PTPRK: variants seen among roughly 807,000 people sequenced by gnomAD.
The protein encoded by PTPRK is protein tyrosine phosphatase receptor type K, also known as receptor-type tyrosine-protein phosphatase kappa.
In PTPRK, 75 loss-of-function variants were observed where a neutral mutation model predicts 178.0. The ratio of observed to expected loss-of-function variants is 0.42; its 90% CI spans 0.35 to 0.51. The LOEUF (loss-of-function observed/expected upper bound fraction) is 0.51, where lower values mean the gene tolerates loss of function less well. PTPRK is among the 20% of genes least tolerant of loss of function. PTPRK has a pLI of 0.02. For missense variants in PTPRK, 1,441 were observed against 1,797.8 expected (o/e 0.80, Z 3.59); for synonymous variants, 637 against 620.6 (o/e 1.03, Z -0.39).
intron 7 of PTPRK, among the ~76,000 whole-genome samples, chr6:128,167,071 C>A (rs1184897483): frequency 1.3e-5 from 2 of 151,632 alleles, no homozygotes; most frequent in Non-Finnish European, 3.0e-5. Context: ...AAAACTCCCT[C>A]AAAATCAGTC....
chr6:128,337,018 AC>A (rs1396208340), intron 2 of PTPRK, among the ~76,000 whole-genome samples: 2 of 152,196 alleles, frequency 1.3e-5, no homozygotes, highest in South Asian at 2.1e-4. Context: ...TAGCTCATTA[AC>A]AGTTCATGGT....
intron 1 of PTPRK, among the ~76,000 whole-genome samples, chr6:128,413,749 T>C (rs538810041): frequency 6.6e-6 from 1 of 152,288 alleles, no homozygotes; most frequent in South Asian, 2.1e-4. Context: ...GTCAGTTTAG[T>C]AAGAAGTCCA....
chr6:128,221,432 G>A (rs1254549639), intron 5 of PTPRK, among the ~76,000 whole-genome samples: 2 of 151,840 alleles, frequency 1.3e-5, no homozygotes, highest in East Asian at 2.0e-4. Context: ...GCTGAGGCAG[G>A]AGAATGGTGT....
At chr6:128,116,879 G>A (rs559664076) in intron 7 of PTPRK, among the ~76,000 whole-genome samples, 29 of 152,294 alleles carry the variant, frequency 1.9e-4, no homozygotes, top group Middle Eastern at 3.4e-3. Flanking sequence ...GGGCATGGTG[G>A]CTCACGCCTG....
intron 1 of PTPRK, among the ~76,000 whole-genome samples, chr6:128,473,902 A>T (rs1036096846): frequency 3.9e-5 from 6 of 152,094 alleles, no homozygotes; most frequent in Non-Finnish European, 7.4e-5. Context: ...AACAAACATT[A>T]AAGACAAAGT....
At chr6:128,063,001 C>T (rs1781122896) in intron 13 of PTPRK, among the ~76,000 whole-genome samples, 1 of 152,076 alleles carries the variant, frequency 6.6e-6, no homozygotes, top group Non-Finnish European at 1.5e-5. Flanking sequence ...TTAATCCTCA[C>T]AACAATAAGA....
chr6:128,046,862 G>C (rs944419624), intron 13 of PTPRK, among the ~76,000 whole-genome samples: 4 of 152,126 alleles, frequency 2.6e-5, no homozygotes, highest in African/African-American at 9.7e-5. Flanking sequence ...ACCAAATGGA[G>C]CTTCCACAGT....
intron 3 of PTPRK, among the ~76,000 whole-genome samples, chr6:128,289,352 C>G (rs1823008331): frequency 6.6e-6 from 1 of 152,050 alleles, no homozygotes; most frequent in South Asian, 2.1e-4. Flanking sequence ...ACACCAAATA[C>G]AATTTGTTAT....
At chr6:128,424,082 A>G (rs1843804453) in intron 1 of PTPRK, among the ~76,000 whole-genome samples, 1 of 151,192 alleles carries the variant, frequency 6.6e-6, no homozygotes, top group Non-Finnish European at 1.5e-5. Context: ...AAAAAAAAAA[A>G]ATTAGCCAGG....
At chr6:128,349,740 A>G (rs888919727) in intron 2 of PTPRK, among the ~76,000 whole-genome samples, 2 of 152,282 alleles carry the variant, frequency 1.3e-5, no homozygotes, top group East Asian at 3.9e-4. Flanking sequence ...TATAGGCGTT[A>G]TAGTCTATTT....
intron 8 of PTPRK, among the ~76,000 whole-genome samples, 169 bp from the exon 9 acceptor site, chr6:128,083,993 GAT>G (rs1408997578): frequency 5.3e-5 from 8 of 152,006 alleles, no homozygotes; most frequent in Non-Finnish European, 1.5e-5. Context: ...ATTTTACTTC[GAT>G]ATATGAGAAT....
chr6:128,379,042 T>C (rs984385605), intron 2 of PTPRK, among the ~76,000 whole-genome samples: 1 of 152,258 alleles, frequency 6.6e-6, no homozygotes, highest in African/African-American at 2.4e-5. Context: ...AAGAATATAA[T>C]ATAGTACCTG....
At chr6:128,338,950 A>G (rs1349693461) in intron 2 of PTPRK, among the ~76,000 whole-genome samples, 1 of 152,212 alleles carries the variant, frequency 6.6e-6, no homozygotes, top group Non-Finnish European at 1.5e-5. Context: ...TGCTACAAAC[A>G]TATTTGTAAA....
chr6:128,311,746 T>C (rs1827273855), intron 3 of PTPRK, among the ~76,000 whole-genome samples: 1 of 152,122 alleles, frequency 6.6e-6, no homozygotes, highest in Non-Finnish European at 1.5e-5. Context: ...GCGATCCTCC[T>C]GCCTCAGCCT....
At chr6:128,061,011 T>C (rs1780710770) in intron 13 of PTPRK, among the ~76,000 whole-genome samples, 1 of 152,178 alleles carries the variant, frequency 6.6e-6, no homozygotes, top group African/African-American at 2.4e-5. Flanking sequence ...ACTCAACAAA[T>C]ATTTATTGTA....
chr6:128,486,607 C>T (rs1393525460), intron 1 of PTPRK, among the ~76,000 whole-genome samples: 1 of 151,972 alleles, frequency 6.6e-6, no homozygotes, highest in East Asian at 1.9e-4. Flanking sequence ...AGTTCAAGAC[C>T]AGCCTGGGCA....
chr6:128,302,391 CAAAAAAAA>C (rs534525238), intron 3 of PTPRK, among the ~76,000 whole-genome samples: 22 of 30,950 alleles, frequency 7.1e-4, no homozygotes, highest in South Asian at 2.0e-3. Flanking sequence ...GACTCAATTC[CAAAAAAAA>C]AAAAAAAAAA....
intron 7 of PTPRK, among the ~76,000 whole-genome samples, chr6:128,104,614 G>A (rs1477827578): frequency 6.6e-6 from 1 of 152,178 alleles, no homozygotes. Flanking sequence ...TAAATAGAAT[G>A]GATCATTGTG....
At chr6:127,983,150 G>A (rs776558438) in intron 23 of PTPRK, 92 bp downstream of exon 23, 51 of 1,327,020 alleles carry the variant, frequency 3.8e-5, no homozygotes, top group African/African-American at 1.9e-4. Flanking sequence ...CATCTCTTTC[G>A]GTTGAGTAGA....
Sources: gnomAD v4.1 joint callset for allele counts (sites outside exome capture counted in the v4.1 genomes callset) on GRCh38, gnomAD v4.1.1 for gene constraint, MANE v1.5 for transcripts, NCBI Gene and HGNC (gene_info 2026-07-23, HGNC 2026-07-21) for gene names.